SLC24A2: variants seen among roughly 807,000 people sequenced by gnomAD.
SLC24A2 encodes the protein solute carrier family 24 member 2, also known as sodium/potassium/calcium exchanger 2.
In SLC24A2, 36 loss-of-function variants were observed where a neutral mutation model predicts 62.0. That is an observed-to-expected ratio of 0.58 (90% CI 0.44 to 0.77). The LOEUF (loss-of-function observed/expected upper bound fraction) is 0.77. Among genes scored for constraint, SLC24A2 ranks in the 30% least tolerant of loss-of-function variants. The probability of loss-of-function intolerance (pLI) is 0.00; values close to 1 mark genes in which losing one functional copy is unlikely to be tolerated. For missense variants in SLC24A2, 846 were observed against 817.9 expected, an observed-to-expected ratio of 1.03 and a Z score of -0.42; for synonymous variants, 358 against 294.0, an observed-to-expected ratio of 1.22 and a Z score of -2.23.
chr9:19,538,081 T>C (rs1834059358), intron 8 of SLC24A2, among the ~76,000 whole-genome samples: 1 of 37,978 alleles, frequency 2.6e-5, no homozygotes, highest in Non-Finnish European at 4.9e-5. Context: ...TGAAGTTGCT[T>C]ATCAGCTTAA....
the SLC24A2 span, among the ~76,000 whole-genome samples, chr9:20,141,502 G>T: frequency 5.9e-5 from 9 of 152,104 alleles, no homozygotes; most frequent in African/African-American, 1.9e-4. Flanking sequence ...TGACTGTGAA[G>T]AGTCTTCTGC....
At chr9:20,273,846 A>G in the SLC24A2 span, among the ~76,000 whole-genome samples, 1 of 152,214 alleles carries the variant, frequency 6.6e-6, no homozygotes, top group Non-Finnish European at 1.5e-5. Flanking sequence ...AAACCTAAGC[A>G]TAAAAAGGAC....
chr9:20,037,056 C>A, the SLC24A2 span, among the ~76,000 whole-genome samples: 4 of 152,000 alleles, frequency 2.6e-5, no homozygotes, highest in African/African-American at 9.7e-5. Context: ...TCACCACATC[C>A]AGCTAATTTT....
At chr9:20,186,406 C>A in the SLC24A2 span, among the ~76,000 whole-genome samples, 1 of 152,172 alleles carries the variant, frequency 6.6e-6, no homozygotes, top group Non-Finnish European at 1.5e-5. Context: ...GCTTACCTCC[C>A]TGGTACGGAC....
intron 2 of SLC24A2, among the ~76,000 whole-genome samples, chr9:19,628,042 G>C (rs1432071154): frequency 6.6e-6 from 1 of 152,136 alleles, no homozygotes; most frequent in African/African-American, 2.4e-5. Context: ...AAGCTATATG[G>C]AATGTATTAA....
chr9:19,624,462 C>T (rs1484382273), intron 2 of SLC24A2, among the ~76,000 whole-genome samples: 1 of 152,070 alleles, frequency 6.6e-6, no homozygotes, highest in Non-Finnish European at 1.5e-5. Flanking sequence ...GTCTTTTGGT[C>T]TGAAAAGAAG....
At chr9:20,214,647 A>G in the SLC24A2 span, among the ~76,000 whole-genome samples, 30 of 152,134 alleles carry the variant, frequency 2.0e-4, no homozygotes, top group Admixed American at 2.0e-4. Flanking sequence ...AAAATTGTTA[A>G]AAGGGTAAAT....
chr9:19,839,296 C>A, the SLC24A2 span, among the ~76,000 whole-genome samples: 195 of 152,238 alleles, frequency 1.3e-3, 2 homozygotes, highest in African/African-American at 4.5e-3. Flanking sequence ...GTTGGTGTGA[C>A]TGTAAACTAG....
the SLC24A2 span, among the ~76,000 whole-genome samples, chr9:19,836,219 C>G: frequency 0.089 from 13,609 of 152,088 alleles, 692 homozygotes; most frequent in African/African-American, 0.15. Flanking sequence ...CAAGAAATAA[C>G]TAAGATCAGA....
At position 19,576,887 on chromosome 9, in the gene SLC24A2, C is replaced by T. The variant is rs1316986097; in HGVS notation, c.1228+37G>A. 6 of 1,516,032 alleles carry T rather than the reference C, an allele frequency of 4.0e-6. No individual in the cohort carries two copies. The Admixed American group carries it at 8.4e-5, about 21-fold the overall frequency. The allele number at this position is 1,516,032 out of a possible 1,614,324, so 93.9% of individuals were successfully genotyped here. A position where few individuals can be genotyped will look rare whatever the true frequency, so the allele number is the denominator to read the frequency against. On this transcript the variant is annotated intron_variant, in intron 6 of 10. Coordinates refer to ENST00000341998, the MANE Select transcript of SLC24A2 (RefSeq NM_020344.4). ...GACTCTCTGCTCCCCTCGCTTCCCC[C>T]AGGAAAGGTATGGGGTGGATGTTTC... is the stretch of plus-strand genomic sequence containing the variant.
chr9:19,569,416 G>A (rs907957482), intron 7 of SLC24A2, among the ~76,000 whole-genome samples: 1 of 152,128 alleles, frequency 6.6e-6, no homozygotes, highest in Non-Finnish European at 1.5e-5. Flanking sequence ...ATCTGACACT[G>A]CCACTGCTCC....
At chr9:20,198,230 G>T in the SLC24A2 span, among the ~76,000 whole-genome samples, 1 of 152,196 alleles carries the variant, frequency 6.6e-6, no homozygotes. Flanking sequence ...AAAAAAGCAT[G>T]TCACTTTTCT....
chr9:20,142,144 T>G, the SLC24A2 span, among the ~76,000 whole-genome samples: 1 of 151,850 alleles, frequency 6.6e-6, no homozygotes, highest in Admixed American at 6.6e-5. Context: ...AAGACTTTGC[T>G]TACTATTTCC....
At chr9:20,155,818 T>G in the SLC24A2 span, among the ~76,000 whole-genome samples, 114 of 151,882 alleles carry the variant, frequency 7.5e-4, no homozygotes, top group African/African-American at 2.6e-3. Flanking sequence ...TGAATAGTAT[T>G]TGAAATCAAA....
At chr9:20,031,113 CACAT>C in the SLC24A2 span, among the ~76,000 whole-genome samples, 2 of 151,626 alleles carry the variant, frequency 1.3e-5, no homozygotes, top group Admixed American at 1.3e-4. Flanking sequence ...TGTATACACA[CACAT>C]ATATATTCAC....
At chr9:19,948,399 T>C in the SLC24A2 span, among the ~76,000 whole-genome samples, 2 of 143,908 alleles carry the variant, frequency 1.4e-5, no homozygotes, top group African/African-American at 4.9e-5. Flanking sequence ...GGGACTTCTC[T>C]GGTTGTAATA....
chr9:20,227,372 C>T, the SLC24A2 span, among the ~76,000 whole-genome samples: 259 of 152,184 alleles, frequency 1.7e-3, no homozygotes, highest in Admixed American at 4.1e-3. Flanking sequence ...TCCACACTTA[C>T]TTGCATCATC....
chr9:20,107,754 C>T, the SLC24A2 span, among the ~76,000 whole-genome samples: 1 of 151,970 alleles, frequency 6.6e-6, no homozygotes, highest in Non-Finnish European at 1.5e-5. Context: ...AAAAGAAAAC[C>T]TAGGCATTAC....
the SLC24A2 span, among the ~76,000 whole-genome samples, chr9:20,214,629 TAA>T: frequency 5.3e-5 from 8 of 150,112 alleles, no homozygotes; most frequent in African/African-American, 1.2e-4. Flanking sequence ...AAATAAAAAA[TAA>T]AAAAAAAAAT....
Sources: allele counts gnomAD v4.1 joint callset (sites outside exome capture counted in the v4.1 genomes callset), GRCh38; gene constraint gnomAD v4.1.1; transcripts MANE v1.5; gene names NCBI Gene and HGNC (gene_info 2026-07-23, HGNC 2026-07-21).